The following VRK2 variants were observed in gnomAD, a reference collection of about 807,000 sequenced individuals.
VRK2 encodes the protein VRK serine/threonine kinase 2.
In VRK2, 60 loss-of-function variants were observed where a neutral mutation model predicts 57.6. The observed-to-expected ratio is 1.04, with a 90% CI of 0.85 to 1.29. VRK2 has a LOEUF of 1.29. VRK2 is among the 50% of genes most tolerant of loss of function. The pLI, the probability that VRK2 is intolerant of heterozygous loss-of-function variation, is 0.00. For synonymous variants in VRK2, 231 were observed against 199.2 expected (o/e 1.16, Z -1.35); for missense variants, 705 against 588.1 (o/e 1.20, Z -2.06).
At chr2:58,135,291 C>A (rs1206558408) in intron 10 of VRK2, 92 bp downstream of exon 10, 1 of 1,364,496 alleles carries the variant, frequency 7.3e-7, no homozygotes, top group Non-Finnish European at 1.0e-6. Context: ...AACCCACTTG[C>A]TCCTATTCCC....
chr2:57,977,223 T>G (rs1672280110), intron 1 of VRK2, among the ~76,000 whole-genome samples: 2 of 152,092 alleles, frequency 1.3e-5, no homozygotes, highest in Non-Finnish European at 2.9e-5. Context: ...TCCAAATGAA[T>G]TATAGAATCA....
chr2:58,051,139 C>G (rs1675675711), intron 2 of VRK2, among the ~76,000 whole-genome samples: 1 of 152,174 alleles, frequency 6.6e-6, no homozygotes, highest in Non-Finnish European at 1.5e-5. Context: ...GCCACTGTGC[C>G]CAGCCTACTT....
At chr2:58,034,490 A>G (rs563980498) in intron 3 of VRK2, among the ~76,000 whole-genome samples, 1 of 152,130 alleles carries the variant, frequency 6.6e-6, no homozygotes, top group African/African-American at 2.4e-5. Flanking sequence ...AGAATCCTAT[A>G]GTTTTTCTCA....
chr2:57,943,860 C>T (rs916051823), intron 1 of VRK2, among the ~76,000 whole-genome samples: 1 of 152,192 alleles, frequency 6.6e-6, no homozygotes, highest in Non-Finnish European at 1.5e-5. Flanking sequence ...AAGGGTCAGA[C>T]AGCAAACATT....
At chr2:58,102,373 G>A (rs1314902371) in intron 7 of VRK2, among the ~76,000 whole-genome samples, 1 of 150,530 alleles carries the variant, frequency 6.6e-6, no homozygotes, top group Non-Finnish European at 1.5e-5. Flanking sequence ...TGCTGGTAAA[G>A]ACACTTATAG....
chr2:58,044,903 G>C (rs1674623763), upstream of VRK2, among the ~76,000 whole-genome samples: 1 of 152,146 alleles, frequency 6.6e-6, no homozygotes, highest in African/African-American at 2.4e-5. Flanking sequence ...GTTAACTTGT[G>C]TGGGAGGGAG....
At position 58,146,397 on chromosome 2, in the gene VRK2, A is replaced by G. The variant is rs765314013; in HGVS notation, c.1105A>G (p.Ser369Gly). 2.6e-5 allele frequency: 42 copies of G among 1,611,884 alleles called. No individual in the cohort carries two copies. The highest frequency in any genetic ancestry group is 3.6e-5 in the Non-Finnish European group (42 of 1,178,474). Residue 369 changes from serine (S) to glycine (G), a missense_variant, in exon 12 of 13, where the codon AGC becomes GGC. Coordinates refer to ENST00000340157, the MANE Select transcript of VRK2 (RefSeq NM_006296.7). ...LIEKKVHSER[S>G]AESCATWKVQ... ...CGAAAAAAAAGTCCACAGTGAGAGA[A>G]GCGCTGAGTCCTGTGCAACATGGAA...
intron 8 of VRK2, among the ~76,000 whole-genome samples, chr2:58,125,793 C>T (rs1678255771): frequency 6.6e-6 from 1 of 151,894 alleles, no homozygotes; most frequent in South Asian, 2.1e-4. Context: ...TATATACACC[C>T]ACATATATAT....
chr2:58,011,327 G>A (rs1673412993), intron 1 of VRK2, among the ~76,000 whole-genome samples: 1 of 152,188 alleles, frequency 6.6e-6, no homozygotes, highest in Non-Finnish European at 1.5e-5. Context: ...ATTGGTTTTA[G>A]TTAGAAATAT....
chr2:58,096,231 T>C (rs1673108900), intron 7 of VRK2, among the ~76,000 whole-genome samples: 1 of 152,108 alleles, frequency 6.6e-6, no homozygotes, highest in Non-Finnish European at 1.5e-5. Flanking sequence ...TATTGATCCA[T>C]AGTTTTCTAA....
At chr2:58,008,980 CAGGGAGA>C (rs1425293075) in intron 1 of VRK2, among the ~76,000 whole-genome samples, 1 of 152,116 alleles carries the variant, frequency 6.6e-6, no homozygotes, top group Non-Finnish European at 1.5e-5. Context: ...GGTATACTCA[CAGGGAGA>C]AGGTAGAAGG....
intron 1 of VRK2, among the ~76,000 whole-genome samples, chr2:57,955,364 C>A (rs1460429278): frequency 6.6e-6 from 1 of 150,966 alleles, no homozygotes; most frequent in Non-Finnish European, 1.5e-5. Context: ...TAAATATATG[C>A]AAACACATAA....
chr2:58,156,458 C>CTTAT (rs1237706124), intron 12 of VRK2, among the ~76,000 whole-genome samples: 1 of 152,164 alleles, frequency 6.6e-6, no homozygotes, highest in African/African-American at 2.4e-5. Flanking sequence ...CTTAATCTCT[C>CTTAT]TTATTTCTCT....
intron 12 of VRK2, chr2:58,154,932 ATG>A (rs1397240735): frequency 2.0e-6 from 1 of 509,704 alleles, no homozygotes; most frequent in African/African-American, 1.9e-5. Flanking sequence ...TTATTTAGAA[ATG>A]TGTTAATTCC....
At chr2:58,073,586 G>T (rs1013610442) in intron 2 of VRK2, among the ~76,000 whole-genome samples, 15 of 149,276 alleles carry the variant, frequency 1.0e-4, no homozygotes, top group African/African-American at 3.2e-4. Flanking sequence ...TGTTTTTCTG[G>T]TTCTAAGTCT....
At chr2:58,154,774 A>G (rs1307444060) in intron 12 of VRK2, 1 of 717,534 alleles carries the variant, frequency 1.4e-6, no homozygotes, top group Non-Finnish European at 2.6e-6. Flanking sequence ...AGCTTAGGCT[A>G]TTGATTTGAA....
chr2:58,159,703 C>T lies in VRK2; in HGVS notation c.*10C>T. 1 of 1,611,904 alleles carries T rather than the reference C, an allele frequency of 6.2e-7. No individual in the cohort carries two copies. The highest frequency in any genetic ancestry group is 8.5e-7 in the Non-Finnish European group (1 of 1,179,168). ...TTTATTTTTTCTCTGAAGATGATAC[C>T]AAAATTCCTTTTGATAATTTTTTAA... On this transcript the variant is annotated 3_prime_UTR_variant, in exon 13 of 13. Transcript: ENST00000340157.
intron 12 of VRK2, chr2:58,154,755 T>G: frequency 1.4e-6 from 1 of 717,842 alleles, no homozygotes. Flanking sequence ...TTTTTCCAGT[T>G]TAGGTAGAAG....
chr2:58,025,419 G>A (rs1673894916), intron 1 of VRK2, among the ~76,000 whole-genome samples: 2 of 152,080 alleles, frequency 1.3e-5, no homozygotes, highest in Non-Finnish European at 2.9e-5. Flanking sequence ...AGAATTCAAA[G>A]GCCAATTTTG....
Sources: allele counts gnomAD v4.1 joint callset (sites outside exome capture counted in the v4.1 genomes callset), GRCh38; gene constraint gnomAD v4.1.1; transcripts MANE v1.5; gene names NCBI Gene and HGNC (gene_info 2026-07-23, HGNC 2026-07-21).